GATAD2B: variants seen among roughly 807,000 people sequenced by gnomAD.
GATAD2B encodes transcriptional repressor p66-beta.
GATAD2B carries 8 observed loss-of-function variants against 64.3 expected under a neutral mutation model. The ratio of observed to expected loss-of-function variants is 0.12; its 90% CI spans 0.07 to 0.22. The LOEUF (loss-of-function observed/expected upper bound fraction) is 0.22, where lower values mean the gene tolerates loss of function less well. GATAD2B is among the 10% of genes least tolerant of loss of function. The probability of loss-of-function intolerance (pLI) is 1.00; values close to 1 mark genes in which losing one functional copy is unlikely to be tolerated. For missense variants in GATAD2B, 453 were observed against 752.0 expected (o/e 0.60, Z 4.65); for synonymous variants, 281 against 271.3 (o/e 1.04, Z -0.35).
At chr1:153,841,027 A>T (rs1247441111) in intron 1 of GATAD2B, among the ~76,000 whole-genome samples, 1 of 151,672 alleles carries the variant, frequency 6.6e-6, no homozygotes. Context: ...CAGGAAGCTG[A>T]AGCAGGAGAA....
chr1:153,848,244 T>C (rs1393172773), intron 1 of GATAD2B, among the ~76,000 whole-genome samples: 1 of 152,224 alleles, frequency 6.6e-6, no homozygotes. Flanking sequence ...TCATTGTCTC[T>C]TTCTTCTGGC....
rs897118860 is a variant in GATAD2B at position 153,807,343 on chromosome 1, A to G, written c.*2834T>C. The G allele has an allele frequency of 3.3e-5, 5 of 152,118 alleles. No individual in the cohort carries two copies. Among genetic ancestry groups the G allele is most frequent in the African/African-American group, 1.2e-4 (5 of 41,398 alleles). 9.4% of individuals were successfully genotyped at this position (152,118 alleles called of 1,614,324 possible). A position where few individuals can be genotyped will look rare whatever the true frequency, so the allele number is the denominator to read the frequency against. On this transcript the variant is annotated 3_prime_UTR_variant, in exon 11 of 11. Coordinates refer to ENST00000368655, the MANE Select transcript of GATAD2B (RefSeq NM_020699.4). ...GAGGGACACAAGGCAATCAGTGATG[A>G]AAAAAAAGAGACGGAGAATTGAGGA...
At chr1:153,919,726 T>C (rs181825800) in intron 1 of GATAD2B, among the ~76,000 whole-genome samples, 3 of 152,374 alleles carry the variant, frequency 2.0e-5, no homozygotes, top group Non-Finnish European at 2.9e-5. Flanking sequence ...TCTGATAGAC[T>C]GGATTTTTTC....
intron 1 of GATAD2B, among the ~76,000 whole-genome samples, chr1:153,859,025 T>C (rs1676182271): frequency 6.6e-6 from 1 of 152,062 alleles, no homozygotes; most frequent in South Asian, 2.1e-4. Flanking sequence ...ATTTAGCCTG[T>C]GCAAGCAACA....
intron 1 of GATAD2B, among the ~76,000 whole-genome samples, chr1:153,875,788 T>G (rs1265227659): frequency 6.6e-6 from 1 of 152,046 alleles, no homozygotes; most frequent in Admixed American, 6.6e-5. Flanking sequence ...ATATCTATCT[T>G]GCTAACATTC....
At chr1:153,891,189 C>T (rs1321410982) in intron 1 of GATAD2B, among the ~76,000 whole-genome samples, 2 of 128,674 alleles carry the variant, frequency 1.6e-5, no homozygotes, top group African/African-American at 5.8e-5. Context: ...CTCAAAGAAA[C>T]ACACAAATAA....
chr1:153,852,812 CT>C, intron 1 of GATAD2B: 3 of 894,334 alleles, frequency 3.4e-6, no homozygotes, highest in Non-Finnish European at 5.6e-6. Flanking sequence ...TATCCTTCAA[CT>C]TTTTTTGCTT....
chr1:153,811,943 C>T lies in GATAD2B; in HGVS notation c.1530+79G>A, dbSNP rs763844698. ...GAGTACAGAAGAAGACTATGATTTC[C>T]CACAATAGAAAGGACAAATTGTGAT... On this transcript the variant is annotated intron_variant, in intron 9 of 10. Coordinates refer to ENST00000368655, the MANE Select transcript of GATAD2B (RefSeq NM_020699.4). 3.1e-5 allele frequency: 40 copies of T among 1,278,214 alleles called. No individual in the cohort carries two copies. The Middle Eastern group carries it at 9.8e-4, about 31-fold the overall frequency. The allele number at this position is 1,278,214 out of a possible 1,614,324, so 79.2% of individuals were successfully genotyped here.
rs960561157 is a variant in GATAD2B, at chr1:153,807,479, T to C, written c.*2698A>G. ...CTAATCCCTGGGAAGAGTATGAAAATGGGGAGAAGAAAGGGTAAGAAATCA... is the reference window on the plus strand; with the variant it reads ...CTAATCCCTGGGAAGAGTATGAAAACGGGGAGAAGAAAGGGTAAGAAATCA... On this transcript the variant is annotated 3_prime_UTR_variant, in exon 11 of 11. Transcript: ENST00000368655. 2 of 151,922 alleles carry C rather than the reference T, an allele frequency of 1.3e-5. No individual in the cohort carries two copies. The highest frequency in any genetic ancestry group is 4.8e-5 in the African/African-American group (2 of 41,326). The allele number at this position is 151,922 out of a possible 1,614,324, so 9.4% of individuals were successfully genotyped here. A position where few individuals can be genotyped will look rare whatever the true frequency, so the allele number is the denominator to read the frequency against.
At chr1:153,894,545 T>C (rs758289553) in intron 1 of GATAD2B, among the ~76,000 whole-genome samples, 1 of 151,748 alleles carries the variant, frequency 6.6e-6, no homozygotes. Context: ...CTTTTCTGTA[T>C]GTACATTATA....
intron 1 of GATAD2B, among the ~76,000 whole-genome samples, chr1:153,901,213 C>T (rs76131617): frequency 1.4e-5 from 2 of 138,910 alleles, no homozygotes; most frequent in South Asian, 2.3e-4. Flanking sequence ...AATTCTACCT[C>T]AAAAAAAAAA....
chr1:153,860,901 C>T (rs535393043), intron 1 of GATAD2B, among the ~76,000 whole-genome samples: 166 of 152,158 alleles, frequency 1.1e-3, no homozygotes, highest in Non-Finnish European at 2.0e-3. Context: ...ATCCTCCCAT[C>T]GTGGCCTCCA....
At chr1:153,893,096 T>C (rs1677472516) in intron 1 of GATAD2B, among the ~76,000 whole-genome samples, 1 of 152,156 alleles carries the variant, frequency 6.6e-6, no homozygotes, top group African/African-American at 2.4e-5. Flanking sequence ...GAAAAACTTG[T>C]CTGGTCTGGA....
intron 1 of GATAD2B, among the ~76,000 whole-genome samples, chr1:153,877,604 A>G (rs924824669): frequency 2.0e-5 from 3 of 151,702 alleles, no homozygotes; most frequent in Admixed American, 1.3e-4. Flanking sequence ...ATAGCTGGAC[A>G]TGGTGGCTCA....
chr1:153,822,327 A>C (rs1156514799), intron 2 of GATAD2B, among the ~76,000 whole-genome samples: 3 of 152,176 alleles, frequency 2.0e-5, no homozygotes, highest in Admixed American at 2.0e-4. Context: ...CCTTGCTCAA[A>C]TGAGTGCCAC....
chr1:153,909,712 G>T (rs891065549), intron 1 of GATAD2B, among the ~76,000 whole-genome samples: 2 of 150,404 alleles, frequency 1.3e-5, no homozygotes, highest in Admixed American at 6.6e-5. Flanking sequence ...GGGGCGGGGG[G>T]GCAGATCACA....
At chr1:153,903,702 T>C (rs1677845478) in intron 1 of GATAD2B, among the ~76,000 whole-genome samples, 1 of 152,154 alleles carries the variant, frequency 6.6e-6, no homozygotes, top group Non-Finnish European at 1.5e-5. Flanking sequence ...GTTCTAACAT[T>C]GGCCAAGTGT....
intron 1 of GATAD2B, among the ~76,000 whole-genome samples, chr1:153,895,310 G>A (rs924870511): frequency 7.9e-5 from 12 of 151,884 alleles, no homozygotes; most frequent in Non-Finnish European, 1.8e-4. Context: ...CTGCAGCCTG[G>A]GTGACAGAGC....
chr1:153,861,019 T>C, intron 1 of GATAD2B, among the ~76,000 whole-genome samples: 1 of 152,188 alleles, frequency 6.6e-6, no homozygotes, highest in Non-Finnish European at 1.5e-5. Flanking sequence ...TAAAGGTCTC[T>C]GTCTCCTGCA....
Sources: gnomAD v4.1 joint callset for allele counts (sites outside exome capture counted in the v4.1 genomes callset) on GRCh38, gnomAD v4.1.1 for gene constraint, MANE v1.5 for transcripts, NCBI Gene and HGNC (gene_info 2026-07-23, HGNC 2026-07-21) for gene names.